The following DIS3L variants were observed in gnomAD, a reference collection of about 807,000 sequenced individuals.
DIS3L encodes the protein DIS3 like exosome 3'-5' exoribonuclease, also known as DIS3-like exonuclease 1.
DIS3L carries 100 observed loss-of-function variants against 120.3 expected under a neutral mutation model. That is an observed-to-expected ratio of 0.83 (90% confidence interval 0.71 to 0.98). The LOEUF (loss-of-function observed/expected upper bound fraction) is 0.98, where lower values mean the gene tolerates loss of function less well. DIS3L is among the 50% of genes least tolerant of loss of function. DIS3L has a pLI of 0.00. For missense variants in DIS3L, 1,196 were observed against 1,314.2 expected (o/e 0.91, Z 1.39); for synonymous variants, 426 against 470.6 (o/e 0.91, Z 1.23).
At position 66,333,041 on chromosome 15, in the gene DIS3L, A is replaced by G; in HGVS notation, c.2894A>G (p.Asp965Gly). The G allele has an allele frequency of 6.2e-7, 1 of 1,613,284 alleles. No homozygotes were observed. The highest frequency in any genetic ancestry group is 1.1e-5 in the South Asian group (1 of 91,032). Reference sequence around the variant, plus strand: ...ATACAGGCCTCACGTTGCCATTCTGATACAATCAGACTTGAAATAATTAGT... The same window carrying G: ...ATACAGGCCTCACGTTGCCATTCTGGTACAATCAGACTTGAAATAATTAGT... ...ISIQASRCHS[D>G]TIRLEIISNK... Residue 965 changes from aspartate (D) to glycine (G), a missense_variant, in exon 17 of 17, where the codon GAT (aspartate) becomes GGT (glycine). By Grantham distance (94) the Asp-to-Gly change is moderately conservative. Coordinates refer to ENST00000319212, the MANE Select transcript of DIS3L (RefSeq NM_001143688.3).
chr15:66,328,605 A>G lies in DIS3L; in HGVS notation c.2202-365A>G, dbSNP rs1045003858. Reference sequence around the variant, plus strand: ...AGAAAAACTAATTTAGGTTTCTTTTACTTGTACACCAAGTCCATTATTTTA... The same window carrying G: ...AGAAAAACTAATTTAGGTTTCTTTTGCTTGTACACCAAGTCCATTATTTTA... On this transcript the variant is annotated intron_variant, in intron 12 of 16. Transcript: ENST00000319212. Among the ~76,000 whole-genome samples the G allele has an allele frequency of 3.3e-5, 5 of 152,226 alleles. No homozygotes were observed. In the South Asian group the frequency reaches 6.2e-4, roughly 19 times the overall value.
intron 11 of DIS3L, 55 bp from the exon 12 acceptor site, chr15:66,325,776 A>C (rs1331982106): frequency 2.6e-6 from 4 of 1,536,316 alleles, no homozygotes; most frequent in Non-Finnish European, 3.5e-6. Context: ...AACAAAAAAC[A>C]AAAAAAGCCA....
Position 66,329,001 on chromosome 15 carries a change from A to T in DIS3L, c.2233A>T (p.Asn745Tyr), listed in dbSNP as rs770974225. The T allele has an allele frequency of 1.2e-5, 19 of 1,613,448 alleles. No individual in the cohort carries two copies. The highest frequency in any genetic ancestry group is 1.6e-4 in the Middle Eastern group (1 of 6,084). The change falls in exon 13 of 17, where the codon AAT (asparagine) becomes TAT (tyrosine). Residue 745 changes from asparagine to tyrosine, a missense_variant. Coordinates refer to ENST00000319212, the MANE Select transcript of DIS3L (RefSeq NM_001143688.3). ...SNKTLADSLD[N>Y]ANDPHDPIVN... ...TAAAACACTGGCTGATTCTCTGGAT[A>T]ATGCGAACGACCCCCACGATCCCAT...
chr15:66,313,459 G>A (rs59325365), intron 5 of DIS3L, among the ~76,000 whole-genome samples: 24 of 152,126 alleles, frequency 1.6e-4, no homozygotes, highest in African/African-American at 5.1e-4. Context: ...TCCTACCCAC[G>A]CATGGTTTCT....
intron 6 of DIS3L, 34 bp downstream of exon 6, chr15:66,314,151 C>A: frequency 7.1e-7 from 1 of 1,406,450 alleles, no homozygotes. Context: ...TTTCCATACT[C>A]CTTTTTTATT....
intron 14 of DIS3L, chr15:66,330,391 G>C: frequency 1.0e-6 from 1 of 985,186 alleles, no homozygotes. Flanking sequence ...TCATTGTTTT[G>C]AAGCTGCTTT....
In DIS3L at chr15:66,306,870, T is replaced by G; in HGVS notation, c.340T>G (p.Cys114Gly). The G allele has an allele frequency of 6.2e-7, 1 of 1,614,194 alleles. No individual in the cohort carries two copies. The highest frequency in any genetic ancestry group is 8.5e-7 in the Non-Finnish European group (1 of 1,180,024). Residue 114 changes from cysteine (C) to glycine (G), a missense_variant, in exon 3 of 17, where the codon TGC (cysteine) becomes GGC (glycine). Cys to Gly is a radical substitution (Grantham distance 159, BLOSUM62 -3). Coordinates refer to ENST00000319212, the MANE Select transcript of DIS3L (RefSeq NM_001143688.3). The part of the protein sequence containing the change: ...RNLLKDARHD[C>G]ILFANEFQQC... ...CCTGCTGAAGGATGCGCGTCATGAT[T>G]GCATTCTCTTTGCTAATGAATTCCA...
intron 2 of DIS3L, among the ~76,000 whole-genome samples, chr15:66,298,820 C>G (rs899518401): frequency 6.3e-4 from 96 of 152,220 alleles, no homozygotes; most frequent in African/African-American, 2.3e-3. Flanking sequence ...GTTTATTCAA[C>G]AAATGTTCAC....
At chr15:66,329,464 T>G in intron 14 of DIS3L, 65 bp downstream of exon 14, 1 of 1,512,248 alleles carries the variant, frequency 6.6e-7, no homozygotes, top group Non-Finnish European at 8.9e-7. Flanking sequence ...AGCTTTATTG[T>G]GTAGTACCGT....
intron 7 of DIS3L, among the ~76,000 whole-genome samples, chr15:66,316,672 C>T (rs1053579263): frequency 2.0e-5 from 3 of 152,022 alleles, no homozygotes; most frequent in Admixed American, 6.6e-5. Flanking sequence ...AAAACTTAGC[C>T]GGGCGAGGTG....
At chr15:66,312,498 T>TA (rs1359288622) in intron 5 of DIS3L, among the ~76,000 whole-genome samples, 2 of 152,170 alleles carry the variant, frequency 1.3e-5, no homozygotes, top group Non-Finnish European at 2.9e-5. Context: ...GAAAAAAACA[T>TA]ACCTCTTTGA....
At chr15:66,313,520 T>C (rs8034378) in intron 5 of DIS3L, among the ~76,000 whole-genome samples, 149,292 of 152,106 alleles carry the variant, frequency 0.98, 73,324 homozygotes, top group East Asian at 1. Context: ...CACAAGGTCA[T>C]GAGTTCAAGA....
At chr15:66,320,422 CAAA>C (rs112874647) in intron 8 of DIS3L, 146 bp from the exon 9 acceptor site, 19 of 685,354 alleles carry the variant, frequency 2.8e-5, no homozygotes, top group Non-Finnish European at 4.1e-5. Flanking sequence ...GAATGAAAAA[CAAA>C]AAAAAAACCC....
In DIS3L at chr15:66,293,649, C is replaced by G. The variant is rs1488104328; in HGVS notation, c.53C>G (p.Thr18Arg). ...CTGCTGAGGACCTTCCAGGGCCGCA[C>G]GCTGCGGATCGTGCGCGAGCACTAC... ...VLLLRTFQGRTLRIVREHYLR... is the reference protein window; with the variant it reads ...VLLLRTFQGRRLRIVREHYLR... Residue 18 changes from threonine to arginine, a missense_variant, in exon 1 of 17, where the codon ACG (threonine) becomes AGG (arginine). Thr to Arg is a moderately conservative substitution (Grantham distance 71, BLOSUM62 -1). Coordinates refer to ENST00000319212, the MANE Select transcript of DIS3L (RefSeq NM_001143688.3). 7.0e-7 allele frequency: 1 copy of G among 1,437,668 alleles called. No homozygotes were observed. Among genetic ancestry groups the G allele is most frequent in the African/African-American group, 1.5e-5 (1 of 67,374 alleles). 89.1% of individuals were successfully genotyped at this position (1,437,668 alleles called of 1,614,324 possible).
At chr15:66,321,951 C>T (rs2092889190) in intron 9 of DIS3L, among the ~76,000 whole-genome samples, 1 of 152,030 alleles carries the variant, frequency 6.6e-6, no homozygotes, top group Non-Finnish European at 1.5e-5. Flanking sequence ...ATTTGCATTA[C>T]CATAAGGAGT....
intron 1 of DIS3L, 44 bp from the exon 2 acceptor site, chr15:66,294,944 T>G: frequency 6.5e-7 from 1 of 1,541,074 alleles, no homozygotes; most frequent in Non-Finnish European, 8.8e-7. Context: ...TAAACCAGGT[T>G]TGAAAACATT....
chr15:66,319,828 A>T (rs2092861069), intron 8 of DIS3L, among the ~76,000 whole-genome samples: 1 of 152,032 alleles, frequency 6.6e-6, no homozygotes, highest in Non-Finnish European at 1.5e-5. Flanking sequence ...AGAGGTCTTC[A>T]AAGAGACCAG....
chr15:66,328,587 C>T (rs2092962891), intron 12 of DIS3L, among the ~76,000 whole-genome samples: 1 of 152,032 alleles, frequency 6.6e-6, no homozygotes. Context: ...AAAAGAAAAA[C>T]TAATTTAGGT....
chr15:66,318,757 A>G, intron 8 of DIS3L, 139 bp downstream of exon 8: 1 of 941,366 alleles, frequency 1.1e-6, no homozygotes, highest in South Asian at 1.9e-5. Flanking sequence ...TGGCATTCCA[A>G]GATACTGGGA....
Sources: gnomAD v4.1 joint callset for allele counts (sites outside exome capture counted in the v4.1 genomes callset) on GRCh38, gnomAD v4.1.1 for gene constraint, MANE v1.5 for transcripts, NCBI Gene and HGNC (gene_info 2026-07-23, HGNC 2026-07-21) for gene names.